FUBP3: variants seen among roughly 807,000 people sequenced by gnomAD.
The protein encoded by FUBP3 is far upstream element binding protein 3, also known as far upstream element-binding protein 3.
Under a neutral mutation model 85.6 loss-of-function variants are expected in FUBP3, and 28 were observed. The ratio of observed to expected loss-of-function variants is 0.33; its 90% CI spans 0.24 to 0.45. FUBP3 has a LOEUF of 0.45. Among genes scored for constraint, FUBP3 ranks in the 20% least tolerant of loss-of-function variants. The probability of loss-of-function intolerance (pLI) is 1.00; values close to 1 mark genes in which losing one functional copy is unlikely to be tolerated. For synonymous variants in FUBP3, 271 were observed against 271.4 expected (o/e 1.00, Z 0.01); for missense variants, 583 against 755.1 (o/e 0.77, Z 2.67).
chr9:130,579,871 C>T (rs1212273447), intron 1 of FUBP3, 107 bp downstream of exon 1: 1 of 654,960 alleles, frequency 1.5e-6, no homozygotes, highest in Non-Finnish European at 2.2e-6. Flanking sequence ...GAACCGACGT[C>T]TCAGCCGGGC....
intron 10 of FUBP3, 50 bp downstream of exon 10, chr9:130,622,860 C>T: frequency 1.2e-6 from 1 of 850,796 alleles, no homozygotes; most frequent in South Asian, 1.7e-5. Context: ...AAAAAAAATC[C>T]TTAGTGTTAA....
intron 8 of FUBP3, among the ~76,000 whole-genome samples, chr9:130,620,064 A>T (rs991369434): frequency 6.6e-6 from 1 of 152,224 alleles, no homozygotes; most frequent in African/African-American, 2.4e-5. Context: ...AAAAACACCT[A>T]GGGGTGATAG....
At chr9:130,632,961 T>A (rs1433696724) in intron 16 of FUBP3, among the ~76,000 whole-genome samples, 1 of 152,244 alleles carries the variant, frequency 6.6e-6, no homozygotes, top group Non-Finnish European at 1.5e-5. Context: ...ATCTGGAGTT[T>A]CTGTCCTGTG....
Position 130,579,606 on chromosome 9 carries a change from C to T in FUBP3, c.-75C>T, listed in dbSNP as rs1201778277. ...TCCGGCTACGGGTCCCCAAGCGGAG[C>T]GGGAGGCCGGACCGGGGAGCCGAGC... On this transcript the variant is annotated 5_prime_UTR_variant, in exon 1 of 19. Transcript: ENST00000319725. 2.9e-5 allele frequency: 27 copies of T among 926,234 alleles called. No homozygotes were observed. The highest frequency in any genetic ancestry group is 3.8e-4 in the Middle Eastern group (1 of 2,606). The allele number at this position is 926,234 out of a possible 1,614,324, so 57.4% of individuals were successfully genotyped here.
intron 1 of FUBP3, among the ~76,000 whole-genome samples, chr9:130,589,705 A>ATATATATATT (rs1414691549): frequency 4.1e-5 from 3 of 73,836 alleles, no homozygotes; most frequent in Admixed American, 1.7e-4. Flanking sequence ...ATATATATAT[A>ATATATATATT]TTTTTTTTTT....
rs768839853 is a variant in FUBP3, at chr9:130,623,592, C to G, written c.875-19C>G. The G allele has an allele frequency of 4.6e-6, 7 of 1,521,354 alleles. No individual in the cohort carries two copies. The Admixed American group carries it at 5.0e-5, about 11-fold the overall frequency. The allele number at this position is 1,521,354 out of a possible 1,614,324, so 94.2% of individuals were successfully genotyped here. Reference sequence around the variant, plus strand: ...ACGTTGGGCTTTTTTCTAATCCTGTCTCTCACCTGGCTCCTCAGATGATGG... The same window carrying G: ...ACGTTGGGCTTTTTTCTAATCCTGTGTCTCACCTGGCTCCTCAGATGATGG... On this transcript the variant is annotated intron_variant, in intron 10 of 18. Coordinates refer to ENST00000319725, the MANE Select transcript of FUBP3 (RefSeq NM_003934.2).
chr9:130,621,836 C>T (rs887332362), intron 9 of FUBP3, among the ~76,000 whole-genome samples: 11 of 150,900 alleles, frequency 7.3e-5, no homozygotes, highest in Admixed American at 4.6e-4. Flanking sequence ...ACCTGGGAGG[C>T]GGTGCTTGCA....
intron 17 of FUBP3, 93 bp downstream of exon 17, chr9:130,634,831 T>A: frequency 1.1e-6 from 1 of 937,144 alleles, no homozygotes; most frequent in Non-Finnish European, 1.7e-6. Flanking sequence ...CTTTTTTCCC[T>A]AATGCCTTCC....
intron 1 of FUBP3, 103 bp from the exon 2 acceptor site, chr9:130,595,379 AG>A: frequency 1.4e-6 from 1 of 720,364 alleles, no homozygotes; most frequent in Non-Finnish European, 2.6e-6. Flanking sequence ...AATCAAGGTC[AG>A]GGGAGAAATG....
chr9:130,600,137 CTT>C (rs1264413433), intron 2 of FUBP3, among the ~76,000 whole-genome samples: 5 of 112,432 alleles, frequency 4.4e-5, no homozygotes, highest in Non-Finnish European at 6.8e-5. Context: ...CTTTCCCCCT[CTT>C]TTCCCTTTTT....
At chr9:130,583,304 G>A (rs2118995581) in intron 1 of FUBP3, among the ~76,000 whole-genome samples, 1 of 152,338 alleles carries the variant, frequency 6.6e-6, no homozygotes, top group East Asian at 1.9e-4. Flanking sequence ...GATGTGTGTT[G>A]TATACCCTGG....
intron 2 of FUBP3, among the ~76,000 whole-genome samples, chr9:130,599,030 C>T (rs926049322): frequency 8.5e-5 from 13 of 152,128 alleles, no homozygotes; most frequent in Non-Finnish European, 1.6e-4. Context: ...CTGTGGCTCA[C>T]GCCTGTAATC....
At chr9:130,598,747 T>C (rs969044153) in intron 2 of FUBP3, among the ~76,000 whole-genome samples, 6 of 152,232 alleles carry the variant, frequency 3.9e-5, no homozygotes, top group Admixed American at 1.3e-4. Context: ...ATAAACACTT[T>C]GTAAATACAC....
chr9:130,598,997 C>T (rs1296611333), intron 2 of FUBP3, among the ~76,000 whole-genome samples: 3 of 151,668 alleles, frequency 2.0e-5, no homozygotes, highest in South Asian at 2.1e-4. Context: ...ACCGTATTTC[C>T]GAAAAATAAA....
Position 130,635,859 on chromosome 9 carries a change from C to T in FUBP3, c.1583-140C>T. On this transcript the variant is annotated intron_variant, in intron 17 of 18. Coordinates refer to ENST00000319725, the MANE Select transcript of FUBP3 (RefSeq NM_003934.2). This position sits in a 1 kb window ranked among gnomAD's most constrained non-coding sequence, Gnocchi z 4.3. ...TTTTGTAGCAAGCGCTCCTGCAACA[C>T]CAGCCTCACCTCACTGCCTCCCAGA... 1 of 820,450 alleles carries T rather than the reference C, an allele frequency of 1.2e-6. No individual in the cohort carries two copies. The allele number at this position is 820,450 out of a possible 1,614,324, so 50.8% of individuals were successfully genotyped here. A position where few individuals can be genotyped will look rare whatever the true frequency, so the allele number is the denominator to read the frequency against.
chr9:130,589,201 T>C (rs1830477359), intron 1 of FUBP3, among the ~76,000 whole-genome samples: 1 of 152,160 alleles, frequency 6.6e-6, no homozygotes, highest in Non-Finnish European at 1.5e-5. Context: ...TGTCAGAGAA[T>C]TTTAGTCTTG....
intron 2 of FUBP3, among the ~76,000 whole-genome samples, chr9:130,598,876 A>G (rs1380172483): frequency 6.6e-6 from 1 of 152,222 alleles, no homozygotes; most frequent in Non-Finnish European, 1.5e-5. Flanking sequence ...TAGAATTCCT[A>G]GAGATGCCCA....
chr9:130,637,273 C>T lies in FUBP3; in HGVS notation c.*251C>T. 3.8e-6 allele frequency: 2 copies of T among 521,796 alleles called. No individual in the cohort carries two copies. The highest frequency in any genetic ancestry group is 6.9e-6 in the Non-Finnish European group (2 of 288,932). The allele number at this position is 521,796 out of a possible 1,614,324, so 32.3% of individuals were successfully genotyped here. ...TCTGGGATTCTTTTTGGAGCAATAC[C>T]TACAAAGTCAGGCACCAGAATGTGC... On this transcript the variant is annotated 3_prime_UTR_variant, in exon 19 of 19. Transcript: ENST00000319725.
intron 2 of FUBP3, among the ~76,000 whole-genome samples, chr9:130,607,082 C>T (rs887036481): frequency 1.3e-5 from 2 of 152,040 alleles, no homozygotes; most frequent in African/African-American, 2.4e-5. Context: ...TGTGCATCAG[C>T]CTCCCGAGTA....
Sources: gnomAD v4.1 joint callset for allele counts (sites outside exome capture counted in the v4.1 genomes callset) on GRCh38, gnomAD v4.1.1 for gene constraint, Gnocchi (gnomAD v3.1) non-coding constraint, MANE v1.5 for transcripts, NCBI Gene and HGNC (gene_info 2026-07-23, HGNC 2026-07-21) for gene names.